NCOA7: variants seen among roughly 807,000 people sequenced by gnomAD.
The protein encoded by NCOA7 is 140 kDa estrogen receptor-associated protein.
In NCOA7, 45 loss-of-function variants were observed where a neutral mutation model predicts 104.3. The observed-to-expected ratio is 0.43, with a 90% CI of 0.34 to 0.55. The LOEUF (loss-of-function observed/expected upper bound fraction) is 0.55. NCOA7 is among the 20% of genes least tolerant of loss of function. NCOA7 has a pLI of 0.02. For synonymous variants in NCOA7, 398 were observed against 402.3 expected, an observed-to-expected ratio of 0.99 and a Z score of 0.13; for missense variants, 1,041 against 1,119.7, an observed-to-expected ratio of 0.93 and a Z score of 1.00.
intron 1 of NCOA7, among the ~76,000 whole-genome samples, chr6:125,783,778 A>C (rs1029465584): frequency 6.6e-6 from 1 of 152,052 alleles, no homozygotes; most frequent in Non-Finnish European, 1.5e-5. Flanking sequence ...ATTTTTCTTT[A>C]ATTTCCTTTT....
chr6:125,876,761 A>G (rs1425394992), intron 4 of NCOA7, among the ~76,000 whole-genome samples: 1 of 152,192 alleles, frequency 6.6e-6, no homozygotes, highest in Non-Finnish European at 1.5e-5. Flanking sequence ...GGTAACTCAT[A>G]TAATTTTGTG....
chr6:125,812,363 T>C lies in NCOA7; in HGVS notation c.-64-2928T>C, dbSNP rs563567321. Among the ~76,000 whole-genome samples, 67 of 152,328 alleles carry C rather than the reference T, an allele frequency of 4.4e-4. No individual in the cohort carries two copies. The South Asian group carries it at 0.01, about 23-fold the overall frequency. ...TTGGATTCTTACTTAGTATTATTCA[T>C]TGGACAGCCCCAAGTTACTACCCTA... On this transcript the variant is annotated intron_variant, in intron 1 of 15. Transcript: ENST00000392477.
chr6:125,805,087 C>CTTTTTTTT lies in NCOA7; in HGVS notation c.-64-10183_-64-10176dup, dbSNP rs59737297. On this transcript the variant is annotated intron_variant, in intron 1 of 15. Coordinates refer to ENST00000392477, the MANE Select transcript of NCOA7 (RefSeq NM_181782.5). ...ATAAAGCTGGGTTCACCCTCTTGTT[C>CTTTTTTTT]TTTTTTTTTTTTTTTTTTTTTTTTT... Among the ~76,000 whole-genome samples the CTTTTTTTT allele has an allele frequency of 1.4e-3, 82 of 58,040 alleles. 5 individuals carry two copies. Among genetic ancestry groups the CTTTTTTTT allele is most frequent in the African/African-American group, 2.2e-3 (36 of 16,250 alleles). 38.1% of individuals were successfully genotyped at this position (58,040 alleles called of 152,430 possible). A position where few individuals can be genotyped will look rare whatever the true frequency, so the allele number is the denominator to read the frequency against.
At chr6:125,800,897 C>T (rs1160884825) in intron 1 of NCOA7, among the ~76,000 whole-genome samples, 5 of 152,172 alleles carry the variant, frequency 3.3e-5, no homozygotes, top group South Asian at 2.1e-4. Context: ...TGTCGGGGCA[C>T]GCGCCTGTAA....
intron 2 of NCOA7, among the ~76,000 whole-genome samples, chr6:125,832,657 G>T (rs1779285486): frequency 6.6e-6 from 1 of 152,208 alleles, no homozygotes; most frequent in Non-Finnish European, 1.5e-5. Context: ...GCCCTTAAGG[G>T]CCTAGCATAC....
chr6:125,863,785 C>A (rs1782233642), intron 3 of NCOA7, among the ~76,000 whole-genome samples: 1 of 137,256 alleles, frequency 7.3e-6, no homozygotes, highest in Admixed American at 6.9e-5. Flanking sequence ...AGACCACCAT[C>A]CTCTCACTCT....
intron 2 of NCOA7, among the ~76,000 whole-genome samples, chr6:125,826,283 A>T (rs1037648179): frequency 1.3e-5 from 2 of 151,760 alleles, no homozygotes; most frequent in African/African-American, 4.8e-5. Flanking sequence ...GTGAGCCAAG[A>T]TTCCACCACT....
chr6:125,830,721 T>TTATA (rs72316010), intron 2 of NCOA7, among the ~76,000 whole-genome samples: 2 of 143,032 alleles, frequency 1.4e-5, no homozygotes, highest in Admixed American at 7.2e-5. Context: ...TCTATATATT[T>TTATA]TATATATATA....
At chr6:125,827,188 CAAAAAAAAAAAA>C (rs66522338) in intron 2 of NCOA7, among the ~76,000 whole-genome samples, 277 of 79,020 alleles carry the variant, frequency 3.5e-3, no homozygotes, top group East Asian at 8.9e-3. Flanking sequence ...AACTCCATCT[CAAAAAAAAAAAA>C]AAAAAAAAAA....
chr6:125,915,887 T>G (rs1294316514), intron 11 of NCOA7, among the ~76,000 whole-genome samples: 1 of 152,220 alleles, frequency 6.6e-6, no homozygotes, highest in African/African-American at 2.4e-5. Flanking sequence ...ATGACTGTGT[T>G]TCATTTCACA....
rs1370403402 is a variant in NCOA7 at position 125,929,859 on chromosome 6, T to G, written c.*1088T>G. On this transcript the variant is annotated 3_prime_UTR_variant, in exon 16 of 16. Coordinates refer to ENST00000392477, the MANE Select transcript of NCOA7 (RefSeq NM_181782.5). The stretch of plus-strand genomic sequence containing the variant: ...GCTTTTACATTAACGAGCAGGCCTC[T>G]GTCTTAAAAGGGACTCAGTATATTA... 1 of 152,216 alleles carries G rather than the reference T, an allele frequency of 6.6e-6. No individual in the cohort carries two copies. The highest frequency in any genetic ancestry group is 2.4e-5 in the African/African-American group (1 of 41,464). 9.4% of individuals were successfully genotyped at this position (152,216 alleles called of 1,614,324 possible).
chr6:125,840,800 C>A (rs1424157626), intron 2 of NCOA7, among the ~76,000 whole-genome samples: 1 of 148,524 alleles, frequency 6.7e-6, no homozygotes, highest in African/African-American at 2.5e-5. Flanking sequence ...CTTGAGTCAT[C>A]GTGCCTGGAC....
At chr6:125,857,876 G>A (rs1345952488) in intron 3 of NCOA7, among the ~76,000 whole-genome samples, 1 of 151,570 alleles carries the variant, frequency 6.6e-6, no homozygotes, top group Non-Finnish European at 1.5e-5. Context: ...ATGATCCACT[G>A]CACCCGAGCC....
chr6:125,855,033 A>C lies in NCOA7; in HGVS notation c.64A>C (p.Lys22Gln). 4.4e-6 allele frequency: 7 copies of C among 1,604,114 alleles called. No individual in the cohort carries two copies. Among genetic ancestry groups the C allele is most frequent in the African/African-American group, 1.3e-5 (1 of 74,372 alleles). ...QSYFARLKKKKQAKQNAETAS... is the reference protein window; with the variant it reads ...QSYFARLKKKQQAKQNAETAS... ...CCTCTTTCCTAGACTGAAAAAGAAA[A>C]AACAAGCCAAACAAAATGCAGAGAC... The change falls in exon 3 of 16, where the codon AAA (lysine) becomes CAA (glutamine). Residue 22 changes from lysine (K) to glutamine (Q), a missense_variant. Physicochemically the swap from Lys to Gln is moderately conservative, Grantham distance 53 (BLOSUM62 1). This residue lies in a region of NCOA7 where 914 missense variants were observed against 942.7 expected (regional missense o/e 0.97). Transcript: ENST00000392477.
intron 10 of NCOA7, among the ~76,000 whole-genome samples, chr6:125,904,085 A>C (rs1785750608): frequency 6.6e-6 from 1 of 152,142 alleles, no homozygotes; most frequent in African/African-American, 2.4e-5. Context: ...TTCAGGAAAC[A>C]GTGGCCACAG....
In NCOA7 at chr6:125,889,967, A is replaced by G; in HGVS notation, c.1913A>G (p.Gln638Arg). Residue 638 changes from glutamine (Q) to arginine (R), a missense_variant, in exon 9 of 16, where the codon CAG becomes CGG. Around this residue, in one of 2 missense-constraint regions of NCOA7, gnomAD observed 914 missense variants for 942.7 expected, o/e 0.97. Coordinates refer to ENST00000392477, the MANE Select transcript of NCOA7 (RefSeq NM_181782.5). Reference sequence around the variant, plus strand: ...CAGTTGTGGCTGTTAAAGAGAATTCAGGTACCCATTGAAGGTAAGCTGTTT... The same window carrying G: ...CAGTTGTGGCTGTTAAAGAGAATTCGGGTACCCATTGAAGGTAAGCTGTTT... Reference protein sequence around the residue: ...EVQLWLLKRIQVPIEDILPSK... With the variant: ...EVQLWLLKRIRVPIEDILPSK... 2 of 1,533,618 alleles carry G rather than the reference A, an allele frequency of 1.3e-6. No individual in the cohort carries two copies. The highest frequency in any genetic ancestry group is 8.7e-7 in the Non-Finnish European group (1 of 1,144,992).
rs937052512 is a variant in NCOA7 at position 125,930,749 on chromosome 6, C to T, written c.*1978C>T. The T allele has an allele frequency of 6.6e-6, 1 of 152,208 alleles. No individual in the cohort carries two copies. Among genetic ancestry groups the T allele is most frequent in the African/African-American group, 2.4e-5 (1 of 41,444 alleles). The allele number at this position is 152,208 out of a possible 1,614,324, so 9.4% of individuals were successfully genotyped here. Reference sequence around the variant, plus strand: ...CCTGGGTGTACGTTTCACTCAAGTTCTCCTACTGAGGACTCTTGACTAACA... The same window carrying T: ...CCTGGGTGTACGTTTCACTCAAGTTTTCCTACTGAGGACTCTTGACTAACA... On this transcript the variant is annotated 3_prime_UTR_variant, in exon 16 of 16. Transcript: ENST00000392477.
chr6:125,815,432 T>C (rs562643180), intron 2 of NCOA7, 28 bp downstream of exon 2: 29 of 1,586,872 alleles, frequency 1.8e-5, no homozygotes, highest in Non-Finnish European at 2.4e-5. Flanking sequence ...AAAATTGTTA[T>C]CAGTACTTTA....
At chr6:125,846,223 G>C (rs529546885) in intron 2 of NCOA7, among the ~76,000 whole-genome samples, 2 of 151,960 alleles carry the variant, frequency 1.3e-5, no homozygotes, top group East Asian at 3.9e-4. Flanking sequence ...GCTTCTGACT[G>C]TCTTGGCTTC....
Sources: allele counts gnomAD v4.1 joint callset (sites outside exome capture counted in the v4.1 genomes callset), GRCh38; gene constraint gnomAD v4.1.1; regional missense constraint gnomAD v4.1.1; transcripts MANE v1.5; gene names NCBI Gene and HGNC (gene_info 2026-07-23, HGNC 2026-07-21).